Variants in JPH4 observed in about 807,000 individuals in gnomAD.
JPH4 encodes junctophilin-4.
In JPH4, 18 loss-of-function variants were observed where a neutral mutation model predicts 57.6. That is an observed-to-expected ratio of 0.31 (90% CI 0.22 to 0.46). The LOEUF (loss-of-function observed/expected upper bound fraction) is 0.46. JPH4 is among the 20% of genes least tolerant of loss of function. The pLI, the probability that JPH4 is intolerant of heterozygous loss-of-function variation, is 1.00. For synonymous variants in JPH4, 425 were observed against 406.6 expected (o/e 1.05, Z -0.54); for missense variants, 727 against 911.1 (o/e 0.80, Z 2.60).
chr14:23,577,400 G>GC lies in JPH4; in HGVS notation c.53dup (p.Trp19LeufsTer103). On this transcript the variant is annotated frameshift_variant, in exon 2 of 6. Coordinates refer to ENST00000356300, the MANE Select transcript of JPH4 (RefSeq NM_001146028.2). LOFTEE classifies it high-confidence loss of function. The surrounding 1 kb of genome is among the most constrained non-coding windows in gnomAD (Gnocchi z 8.4). Reference sequence around the variant, plus strand: ...AGCCATGTGCCCGCCCCGCCTCCCAGCCCCCCACGTAGCAGCCCCCGTCGT... The same window carrying GC: ...AGCCATGTGCCCGCCCCGCCTCCCAGCCCCCCCACGTAGCAGCCCCCGTCGT... The GC allele has an allele frequency of 6.8e-7, 1 of 1,472,102 alleles. No individual in the cohort carries two copies. Among genetic ancestry groups the GC allele is most frequent in the East Asian group, 2.7e-5 (1 of 37,264 alleles). The allele number at this position is 1,472,102 out of a possible 1,614,324, so 91.2% of individuals were successfully genotyped here.
Position 23,568,478 on chromosome 14 carries a change from C to T in JPH4, c.*1156G>A. ...CCCGGGTTTGACTCCCACCTCTGCC[C>T]TGCCTGGGAAGCATGTGAGATCAGC... On this transcript the variant is annotated 3_prime_UTR_variant, in exon 6 of 6. Transcript: ENST00000356300. 1.0e-6 allele frequency: 1 copy of T among 985,848 alleles called. No homozygotes were observed. Among genetic ancestry groups the T allele is most frequent in the Non-Finnish European group, 1.2e-6 (1 of 830,016 alleles). The allele number at this position is 985,848 out of a possible 1,614,324, so 61.1% of individuals were successfully genotyped here. A position where few individuals can be genotyped will look rare whatever the true frequency, so the allele number is the denominator to read the frequency against.
In JPH4 at chr14:23,575,893, G is replaced by C; in HGVS notation, c.943C>G (p.His315Asp). 6.4e-7 allele frequency: 1 copy of C among 1,570,990 alleles called. No individual in the cohort carries two copies. Among genetic ancestry groups the C allele is most frequent in the African/African-American group, 1.3e-5 (1 of 74,226 alleles). ...YEGEWLGNRR[H>D]GYGRTTRPDG... Reference sequence around the variant, plus strand: ...GGGCGGGTGGTGCGCCCGTAGCCGTGCCGCCGGTTGCCCAGCCACTCGCCC... The same window carrying C: ...GGGCGGGTGGTGCGCCCGTAGCCGTCCCGCCGGTTGCCCAGCCACTCGCCC... The change falls in exon 3 of 6, where the codon CAC (histidine) becomes GAC (aspartate). Residue 315 changes from histidine to aspartate, a missense_variant. By Grantham distance (81) the His-to-Asp change is moderately conservative. Transcript: ENST00000356300. The surrounding 1 kb of genome is among the most constrained non-coding windows in gnomAD (Gnocchi z 6.9).
chr14:23,576,177 C>T lies in JPH4; in HGVS notation c.659G>A (p.Arg220His). 7.7e-7 allele frequency: 1 copy of T among 1,299,076 alleles called. No individual in the cohort carries two copies. Among genetic ancestry groups the T allele is most frequent in the South Asian group, 2.2e-5 (1 of 44,690 alleles). 80.5% of individuals were successfully genotyped at this position (1,299,076 alleles called of 1,614,324 possible). Reference protein sequence around the residue: ...KRTPAAGGFFRRSLLLSGLRA... With the variant: ...KRTPAAGGFFHRSLLLSGLRA... ...GAGCCCGCTGAGCAGCAGCGAACGG[C>T]GAAAGAATCCGCCGGCCGCCGGAGT... The change falls in exon 3 of 6, where the codon CGC becomes CAC. Residue 220 changes from arginine to histidine, a missense_variant. Coordinates refer to ENST00000356300, the MANE Select transcript of JPH4 (RefSeq NM_001146028.2). The surrounding 1 kb of genome is among the most constrained non-coding windows in gnomAD (Gnocchi z 8.0).
rs1459146070 is a variant in JPH4, at chr14:23,571,735, C to T, written c.1270+67G>A. The T allele has an allele frequency of 2.3e-5, 33 of 1,426,134 alleles. No individual in the cohort carries two copies. Among genetic ancestry groups the T allele is most frequent in the Admixed American group, 6.9e-5 (4 of 57,692 alleles). 88.3% of individuals were successfully genotyped at this position (1,426,134 alleles called of 1,614,324 possible). On this transcript the variant is annotated intron_variant, in intron 4 of 5. Transcript: ENST00000356300. The surrounding 1 kb of genome is among the most constrained non-coding windows in gnomAD (Gnocchi z 4.6). ...CCTTGCAGGGCTTCTCATCTGTTTC[C>T]CCACACCTGAGCCTCTCTAGCTCCC...
rs993093748 is a variant in JPH4 at position 23,568,244 on chromosome 14, G to A, written c.*1390C>T. 1.0e-6 allele frequency: 1 copy of A among 985,850 alleles called. No homozygotes were observed. 61.1% of individuals were successfully genotyped at this position (985,850 alleles called of 1,614,324 possible). On this transcript the variant is annotated 3_prime_UTR_variant, in exon 6 of 6. Coordinates refer to ENST00000356300, the MANE Select transcript of JPH4 (RefSeq NM_001146028.2). ...AGTTTGACTAGAAAAAAAGAAGAGG[G>A]TATGTGTGGTGGGCATTCCTGGGCA...
Position 23,570,774 on chromosome 14 carries a change from C to T in JPH4, c.1803+154G>A, listed in dbSNP as rs117923429. Among the ~76,000 whole-genome samples, 1,321 of 152,256 alleles carry T rather than the reference C, an allele frequency of 8.7e-3. 7 individuals are homozygous for T. The highest frequency in any genetic ancestry group is 0.014 in the Non-Finnish European group (959 of 68,020). ...TAAGGTTCCTTCCAGCTCGAACGCC[C>T]TCTATTTTTTTGAGGTGGGATGTGG... On this transcript the variant is annotated intron_variant, in intron 5 of 5. Transcript: ENST00000356300.
chr14:23,575,351 A>G lies in JPH4; in HGVS notation c.1151+334T>C. On this transcript the variant is annotated intron_variant, in intron 3 of 5. Coordinates refer to ENST00000356300, the MANE Select transcript of JPH4 (RefSeq NM_001146028.2). This position sits in a 1 kb window ranked among gnomAD's most constrained non-coding sequence, Gnocchi z 6.9. ...AGGGACATGTTTTGAGTTCCAAGAG[A>G]TTTCTGGGCCTGCACAAAACAGCTT... 2.5e-6 allele frequency: 1 copy of G among 404,452 alleles called. No homozygotes were observed. 25.1% of individuals were successfully genotyped at this position (404,452 alleles called of 1,614,324 possible).
Position 23,576,883 on chromosome 14 carries a change from G to C in JPH4, c.379+192C>G, listed in dbSNP as rs1889286112. Reference sequence around the variant, plus strand: ...GAAGGGGTGAGGGAGAAGCGAGCAGGAGACAGACAATTGAGGAAAGCATAA... The same window carrying C: ...GAAGGGGTGAGGGAGAAGCGAGCAGCAGACAGACAATTGAGGAAAGCATAA... On this transcript the variant is annotated intron_variant, in intron 2 of 5. Coordinates refer to ENST00000356300, the MANE Select transcript of JPH4 (RefSeq NM_001146028.2). This position sits in a 1 kb window ranked among gnomAD's most constrained non-coding sequence, Gnocchi z 8.0. Among the ~76,000 whole-genome samples, 1 of 152,048 alleles carries C rather than the reference G, an allele frequency of 6.6e-6. No homozygotes were observed.
intron 3 of JPH4, chr14:23,572,970 C>A (rs1306458977): frequency 1.4e-6 from 1 of 702,250 alleles, no homozygotes; most frequent in Non-Finnish European, 2.6e-6. Flanking sequence ...ATCGTAGATG[C>A]CTTGTCATCC....
Position 23,568,528 on chromosome 14 carries a change from G to T in JPH4, c.*1106C>A. On this transcript the variant is annotated 3_prime_UTR_variant, in exon 6 of 6. Coordinates refer to ENST00000356300, the MANE Select transcript of JPH4 (RefSeq NM_001146028.2). ...CTATCTTTGATCCCCTCCTTCTGTT[G>T]TTTTCCCATTTCACAAGATTCTGAT... The T allele has an allele frequency of 1.0e-6, 1 of 985,722 alleles. No homozygotes were observed. The highest frequency in any genetic ancestry group is 4.7e-5 in the South Asian group (1 of 21,286). 61.1% of individuals were successfully genotyped at this position (985,722 alleles called of 1,614,324 possible).
rs374663076 is a variant in JPH4, at chr14:23,571,316, C to T, written c.1415G>A (p.Arg472Gln). 1.8e-5 allele frequency: 29 copies of T among 1,595,064 alleles called. No homozygotes were observed. The African/African-American group carries it at 2.8e-4, about 15-fold the overall frequency. ...CAGTGGGCTCCGGCAGGCAGGGGGT[C>T]GCCAGGGTTGGCGGGAGGAGGCAGG... ...SSPASSRQPW[R>Q]PPACRSPLPP... Residue 472 changes from arginine (R) to glutamine (Q), a missense_variant, in exon 5 of 6, where the codon CGA becomes CAA. This residue lies in a region of JPH4 where 293 missense variants were observed against 279.8 expected (regional missense o/e 1.05). Coordinates refer to ENST00000356300, the MANE Select transcript of JPH4 (RefSeq NM_001146028.2). This position sits in a 1 kb window ranked among gnomAD's most constrained non-coding sequence, Gnocchi z 4.6.
rs1261476623 is a variant in JPH4 at position 23,569,694 on chromosome 14, C to T, written c.1827G>A (p.Val609=). 2.6e-6 allele frequency: 4 copies of T among 1,551,554 alleles called. No individual in the cohort carries two copies. In the South Asian group the frequency reaches 3.6e-5, roughly 14 times the overall value. The change falls in exon 6 of 6, where the codon GTG becomes GTA. Residue 609 remains valine (V), a synonymous_variant. Coordinates refer to ENST00000356300, the MANE Select transcript of JPH4 (RefSeq NM_001146028.2). The surrounding 1 kb of genome is among the most constrained non-coding windows in gnomAD (Gnocchi z 4.8). ...AQPGAANPLV[V]GAVALLDLSL... is the part of the protein sequence containing the mutation. ...TGAGGTCCAGGAGGGCCACGGCTCC[C>T]ACCACCAGGGGGTTGGCAGCTCCCT...
chr14:23,574,621 C>G (rs1052076613), intron 3 of JPH4, among the ~76,000 whole-genome samples: 3 of 152,222 alleles, frequency 2.0e-5, no homozygotes, highest in Non-Finnish European at 4.4e-5. Context: ...CTGCTCACCT[C>G]GCTGCGCAGG....
In JPH4 at chr14:23,576,061, C is replaced by G; in HGVS notation, c.775G>C (p.Gly259Arg). Residue 259 changes from glycine (G) to arginine (R), a missense_variant, in exon 3 of 6, where the codon GGC becomes CGC. This residue lies in a region of JPH4 where 131 missense variants were observed against 156.5 expected (regional missense o/e 0.84). Transcript: ENST00000356300. The surrounding 1 kb of genome is among the most constrained non-coding windows in gnomAD (Gnocchi z 8.0). Reference protein sequence around the residue: ...SSEVGSTGPPGSEASGPPAAA... With the variant: ...SSEVGSTGPPRSEASGPPAAA... ...GCCGGGGGCCCGCTGGCCTCCGAGC[C>G]GGGCGGTCCGGTGCTGCCCACCTCG... 2 of 1,316,224 alleles carry G rather than the reference C, an allele frequency of 1.5e-6. No homozygotes were observed. Among genetic ancestry groups the G allele is most frequent in the Middle Eastern group, 2.7e-4 (1 of 3,718 alleles). 81.5% of individuals were successfully genotyped at this position (1,316,224 alleles called of 1,614,324 possible).
intron 5 of JPH4, among the ~76,000 whole-genome samples, chr14:23,570,623 T>G (rs1204079773): frequency 6.6e-6 from 1 of 151,956 alleles, no homozygotes; most frequent in African/African-American, 2.4e-5. Context: ...ATCCGCCCAC[T>G]TCGGCCTCCC....
intron 3 of JPH4, chr14:23,572,924 C>T (rs1178644587): frequency 1.4e-6 from 1 of 702,624 alleles, no homozygotes; most frequent in Non-Finnish European, 2.6e-6. Context: ...TCAGATGCTT[C>T]CTCAGTTTTC....
chr14:23,576,470 AG>A lies in JPH4; in HGVS notation c.380-15del. Reference sequence around the variant, plus strand: ...CCTGGTAGGTGCCTGCGGGCGGCGGAGGGGTGGGAGAAAGAGTCAGGACGTG... The same window carrying A: ...CCTGGTAGGTGCCTGCGGGCGGCGGAGGGTGGGAGAAAGAGTCAGGACGTG... On this transcript the variant is annotated splice_polypyrimidine_tract_variant and intron_variant, in intron 2 of 5. Transcript: ENST00000356300. This position sits in a 1 kb window ranked among gnomAD's most constrained non-coding sequence, Gnocchi z 8.0. 1.4e-6 allele frequency: 2 copies of A among 1,389,712 alleles called. No homozygotes were observed. Among genetic ancestry groups the A allele is most frequent in the South Asian group, 1.7e-5 (1 of 59,486 alleles). 86.1% of individuals were successfully genotyped at this position (1,389,712 alleles called of 1,614,324 possible).
chr14:23,574,467 C>T (rs988772002), intron 3 of JPH4, among the ~76,000 whole-genome samples: 3 of 152,256 alleles, frequency 2.0e-5, no homozygotes, highest in East Asian at 1.9e-4. Flanking sequence ...CCACCGTGCC[C>T]GGCCTTCTTT....
Position 23,571,316 on chromosome 14 carries a change from C to A in JPH4, c.1415G>T (p.Arg472Leu), listed in dbSNP as rs374663076. 1.0e-5 allele frequency: 16 copies of A among 1,595,182 alleles called. No individual in the cohort carries two copies. Among genetic ancestry groups the A allele is most frequent in the Admixed American group, 1.7e-5 (1 of 58,424 alleles). The change falls in exon 5 of 6, where the codon CGA becomes CTA. Residue 472 changes from arginine (R) to leucine (L), a missense_variant. Arg to Leu is a moderately radical substitution (Grantham distance 102). Transcript: ENST00000356300. This position sits in a 1 kb window ranked among gnomAD's most constrained non-coding sequence, Gnocchi z 4.6. ...CAGTGGGCTCCGGCAGGCAGGGGGT[C>A]GCCAGGGTTGGCGGGAGGAGGCAGG... is the stretch of plus-strand genomic sequence containing the variant. ...SSPASSRQPW[R>L]PPACRSPLPP...
Sources: allele counts gnomAD v4.1 joint callset (sites outside exome capture counted in the v4.1 genomes callset), GRCh38; gene constraint gnomAD v4.1.1; regional missense constraint gnomAD v4.1.1; non-coding constraint Gnocchi (gnomAD v3.1); transcripts MANE v1.5; gene names NCBI Gene and HGNC (gene_info 2026-07-23, HGNC 2026-07-21).